Variants in BRINP3 observed in about 807,000 individuals in gnomAD.
BRINP3 encodes the protein BMP/retinoic acid-inducible neural-specific protein 3.
BRINP3 carries 19 observed loss-of-function variants against 71.0 expected under a neutral mutation model. The observed-to-expected ratio is 0.27, with a 90% CI of 0.19 to 0.39. The LOEUF (loss-of-function observed/expected upper bound fraction) is 0.39. Among genes scored for constraint, BRINP3 ranks in the 10% least tolerant of loss-of-function variants. The probability of loss-of-function intolerance (pLI) is 1.00; values close to 1 mark genes in which losing one functional copy is unlikely to be tolerated. For synonymous variants in BRINP3, 380 were observed against 337.7 expected (o/e 1.13, Z -1.37); for missense variants, 959 against 940.8 (o/e 1.02, Z -0.25).
chr1:190,435,997 G>T (rs1674429277), intron 2 of BRINP3, among the ~76,000 whole-genome samples: 1 of 151,888 alleles, frequency 6.6e-6, no homozygotes, highest in Admixed American at 6.6e-5. Context: ...GGTAGGGAGA[G>T]AATCATTTTT....
In BRINP3 at chr1:190,332,597, A is replaced by G. The variant is rs1012895439; in HGVS notation, c.237-50847T>C. Among the ~76,000 whole-genome samples, 2 of 152,026 alleles carry G rather than the reference A, an allele frequency of 1.3e-5. 1 individual carries two copies. Among genetic ancestry groups the G allele is most frequent in the African/African-American group, 4.8e-5 (2 of 41,408 alleles). On this transcript the variant is annotated intron_variant, in intron 2 of 7. Coordinates refer to ENST00000367462, the MANE Select transcript of BRINP3 (RefSeq NM_199051.3). ...TGCCAGCAGAAAGACAGTCTTTCTCAAAACAACAGGCTCCTTCTCTCTGCT... is the reference window on the plus strand; with the variant it reads ...TGCCAGCAGAAAGACAGTCTTTCTCGAAACAACAGGCTCCTTCTCTCTGCT...
At chr1:190,355,265 C>T (rs1021019625) in intron 2 of BRINP3, among the ~76,000 whole-genome samples, 1 of 151,776 alleles carries the variant, frequency 6.6e-6, no homozygotes, top group African/African-American at 2.4e-5. Context: ...TTTGGATCTC[C>T]TAGTAATGTA....
chr1:190,412,708 C>T (rs1672771469), intron 2 of BRINP3, among the ~76,000 whole-genome samples: 1 of 151,348 alleles, frequency 6.6e-6, no homozygotes, highest in Non-Finnish European at 1.5e-5. Flanking sequence ...GTGATCCGCC[C>T]GCCTCGGCCT....
chr1:190,161,458 T>C (rs72729134), intron 6 of BRINP3, among the ~76,000 whole-genome samples: 4 of 151,734 alleles, frequency 2.6e-5, no homozygotes, highest in Non-Finnish European at 2.9e-5. Flanking sequence ...ACCGATCTTA[T>C]TTTTAACCCT....
At position 190,302,494 on chromosome 1, in the gene BRINP3, C is replaced by T. The variant is rs777235050; in HGVS notation, c.237-20744G>A. On this transcript the variant is annotated intron_variant, in intron 2 of 7. Coordinates refer to ENST00000367462, the MANE Select transcript of BRINP3 (RefSeq NM_199051.3). ...ACTAGCAGCACCAGTAGTAACTGTTCGGTATGTTAATTTTGGATTTGTATG... is the reference window on the plus strand; with the variant it reads ...ACTAGCAGCACCAGTAGTAACTGTTTGGTATGTTAATTTTGGATTTGTATG... Among the ~76,000 whole-genome samples the T allele has an allele frequency of 4.5e-4, 68 of 151,498 alleles. 1 individual carries two copies. Among genetic ancestry groups the T allele is most frequent in the Non-Finnish European group, 2.2e-4 (15 of 67,750 alleles).
chr1:190,184,763 A>G (rs2102548365), intron 6 of BRINP3, among the ~76,000 whole-genome samples: 1 of 152,258 alleles, frequency 6.6e-6, no homozygotes, highest in African/African-American at 2.4e-5. Context: ...GGGAGACAAG[A>G]TTTGGAAAAC....
At chr1:190,412,751 T>C (rs183446180) in intron 2 of BRINP3, among the ~76,000 whole-genome samples, 1 of 152,070 alleles carries the variant, frequency 6.6e-6, no homozygotes, top group Non-Finnish European at 1.5e-5. Flanking sequence ...CGTGAGTATG[T>C]AGTACTTTAA....
intron 2 of BRINP3, among the ~76,000 whole-genome samples, chr1:190,360,711 T>C (rs1213653872): frequency 4.6e-5 from 7 of 152,098 alleles, no homozygotes; most frequent in Non-Finnish European, 1.0e-4. Context: ...GTGGAAAACA[T>C]GTGACTTGTA....
At chr1:190,277,638 T>C (rs1662699902) in intron 3 of BRINP3, among the ~76,000 whole-genome samples, 1 of 151,778 alleles carries the variant, frequency 6.6e-6, no homozygotes, top group African/African-American at 2.4e-5. Context: ...CATTATTTTT[T>C]GTCATATTCA....
At chr1:190,417,936 C>G (rs1215452717) in intron 2 of BRINP3, among the ~76,000 whole-genome samples, 1 of 152,134 alleles carries the variant, frequency 6.6e-6, no homozygotes, top group South Asian at 2.1e-4. Context: ...AATTTAAAGG[C>G]AGCCAGATAA....
At chr1:190,202,181 A>G (rs1386331186) in intron 6 of BRINP3, among the ~76,000 whole-genome samples, 1 of 152,140 alleles carries the variant, frequency 6.6e-6, no homozygotes, top group Non-Finnish European at 1.5e-5. Context: ...TTGTATCAGC[A>G]TGATCTGGAT....
intron 2 of BRINP3, among the ~76,000 whole-genome samples, chr1:190,385,278 T>A (rs946456222): frequency 6.6e-6 from 1 of 151,962 alleles, no homozygotes; most frequent in African/African-American, 2.4e-5. Context: ...GAAACTACCA[T>A]CAGAGTGAAC....
At chr1:190,218,654 C>T (rs1307733876) in intron 6 of BRINP3, among the ~76,000 whole-genome samples, 3 of 151,962 alleles carry the variant, frequency 2.0e-5, no homozygotes, top group Non-Finnish European at 4.4e-5. Flanking sequence ...AGTCAACATG[C>T]TATGCTATAG....
intron 1 of BRINP3, among the ~76,000 whole-genome samples, chr1:190,457,385 G>A (rs1449915777): frequency 1.3e-5 from 2 of 151,972 alleles, no homozygotes; most frequent in Admixed American, 1.3e-4. Flanking sequence ...CAGGGGTTGC[G>A]GTGAGCTTAG....
In BRINP3 at chr1:190,277,092, T is replaced by TATATATATATATATATATATATAC. The variant is rs1271111316; in HGVS notation, c.427+4467_427+4468insGTATATATATATATATATATATAT. On this transcript the variant is annotated intron_variant, in intron 3 of 7. Transcript: ENST00000367462. ...TCCTGAAATAAATTTTGGTTTTATA[T>TATATATATATATATATATATATAC]ATATATATATATATATATATATATA... Among the ~76,000 whole-genome samples the TATATATATATATATATATATATAC allele has an allele frequency of 6.8e-5, 7 of 103,676 alleles. No homozygotes were observed. The East Asian group carries it at 1.3e-3, about 20-fold the overall frequency. 68.0% of individuals were successfully genotyped at this position (103,676 alleles called of 152,430 possible).
intron 4 of BRINP3, among the ~76,000 whole-genome samples, chr1:190,251,816 A>G (rs1421571225): frequency 6.6e-6 from 1 of 151,596 alleles, no homozygotes; most frequent in African/African-American, 2.4e-5. Flanking sequence ...AAAAAAAAAA[A>G]CATAAAGAGA....
chr1:190,314,120 G>C (rs751409804), intron 2 of BRINP3, among the ~76,000 whole-genome samples: 1 of 151,842 alleles, frequency 6.6e-6, no homozygotes, highest in Non-Finnish European at 1.5e-5. Flanking sequence ...TAGATATTTT[G>C]AGATTAAAAA....
chr1:190,432,320 T>C (rs1005684140), intron 2 of BRINP3, among the ~76,000 whole-genome samples: 2 of 152,172 alleles, frequency 1.3e-5, no homozygotes, highest in African/African-American at 2.4e-5. Flanking sequence ...TAGAGGTATA[T>C]TTCTTCTATT....
intron 2 of BRINP3, among the ~76,000 whole-genome samples, chr1:190,353,667 A>G (rs552887595): frequency 6.6e-6 from 1 of 152,030 alleles, no homozygotes; most frequent in East Asian, 1.9e-4. Context: ...CTCTCTCTTT[A>G]AAAAGGAAGT....
Sources: gnomAD v4.1 joint callset for allele counts (sites outside exome capture counted in the v4.1 genomes callset) on GRCh38, gnomAD v4.1.1 for gene constraint, MANE v1.5 for transcripts, NCBI Gene and HGNC (gene_info 2026-07-23, HGNC 2026-07-21) for gene names.